The following BPIFC variants were observed in gnomAD, a reference collection of about 807,000 sequenced individuals.
The protein encoded by BPIFC is BPI fold containing family C, also known as BPI fold-containing family C protein.
Under a neutral mutation model 57.6 loss-of-function variants are expected in BPIFC, and 60 were observed. That is an observed-to-expected ratio of 1.04 (90% CI 0.85 to 1.29). The LOEUF (loss-of-function observed/expected upper bound fraction) is 1.29. Ranked by LOEUF, BPIFC falls within the 50% of genes most tolerant of loss-of-function variation. BPIFC has a pLI of 0.00. For missense variants in BPIFC, 581 were observed against 600.5 expected (o/e 0.97, Z 0.34); for synonymous variants, 243 against 224.5 (o/e 1.08, Z -0.74).
chr22:32,416,479 A>C (rs935122678), intron 15 of BPIFC, among the ~76,000 whole-genome samples: 1 of 152,240 alleles, frequency 6.6e-6, no homozygotes, highest in Non-Finnish European at 1.5e-5. Context: ...AGAATTGCTC[A>C]TTAATCTGTG....
chr22:32,432,398 A>T lies in BPIFC; in HGVS notation c.1124T>A (p.Val375Asp), dbSNP rs975289912. The T allele has an allele frequency of 6.2e-7, 1 of 1,614,142 alleles. No individual in the cohort carries two copies. Among genetic ancestry groups the T allele is most frequent in the African/African-American group, 1.3e-5 (1 of 75,058 alleles). Residue 375 changes from valine to aspartate, a missense_variant, in exon 12 of 17, where the codon GTT (valine) becomes GAT (aspartate). By Grantham distance (152) the Val-to-Asp change is radical. Transcript: ENST00000300399. ...MMLTQPKNSTVETIVSMDFVA... is the reference protein window; with the variant it reads ...MMLTQPKNSTDETIVSMDFVA... ...GAAGTCCATGGAAACGATGGTTTCA[A>T]CTGTGGAGTTCTTGGGTTGGGTGAG...
intron 2 of BPIFC, among the ~76,000 whole-genome samples, chr22:32,457,718 C>T (rs1319497117): frequency 6.6e-6 from 1 of 152,178 alleles, no homozygotes; most frequent in African/African-American, 2.4e-5. Context: ...CTATGTTTTT[C>T]ACAGACTAGT....
intron 10 of BPIFC, among the ~76,000 whole-genome samples, chr22:32,434,280 A>G (rs1001110081): frequency 1.3e-4 from 20 of 148,828 alleles, no homozygotes; most frequent in African/African-American, 4.9e-4. Context: ...TCATTTATAT[A>G]TTACACTCTA....
chr22:32,424,361 CCCTTGATT>C (rs1450996347), intron 13 of BPIFC, among the ~76,000 whole-genome samples: 1 of 152,028 alleles, frequency 6.6e-6, no homozygotes, highest in Non-Finnish European at 1.5e-5. Flanking sequence ...CCATTTTCTC[CCCTTGATT>C]CCTTGATGCG....
intron 4 of BPIFC, among the ~76,000 whole-genome samples, chr22:32,447,753 G>A (rs1324365920): frequency 1.3e-5 from 2 of 151,510 alleles, no homozygotes; most frequent in African/African-American, 4.9e-5. Context: ...CTACAGGCAT[G>A]TGCCATCACA....
At chr22:32,431,122 T>C (rs1055768223) in intron 13 of BPIFC, among the ~76,000 whole-genome samples, 2 of 151,286 alleles carry the variant, frequency 1.3e-5, no homozygotes, top group African/African-American at 4.8e-5. Flanking sequence ...ACGTCCCTTT[T>C]TTTTTTTTTT....
At position 32,424,603 on chromosome 22, in the gene BPIFC, C is replaced by CTTCTTCTTTCTTCTT. The variant is rs1556036435; in HGVS notation, c.1218-5200_1218-5199insAAGAAGAAAGAAGAA. Among the ~76,000 whole-genome samples, 2 of 39,004 alleles carry CTTCTTCTTTCTTCTT rather than the reference C, an allele frequency of 5.1e-5. 1 individual carries two copies. Among genetic ancestry groups the CTTCTTCTTTCTTCTT allele is most frequent in the Non-Finnish European group, 1.0e-4 (2 of 19,980 alleles). The allele number at this position is 39,004 out of a possible 152,430, so 25.6% of individuals were successfully genotyped here. ...TTCTTCTTCTTCTTCTTCTTCTTCT[C>CTTCTTCTTTCTTCTT]CTCCTCCTCCTCCTCCTCCTCCTCC... On this transcript the variant is annotated intron_variant, in intron 13 of 16. Transcript: ENST00000300399.
At position 32,447,265 on chromosome 22, in the gene BPIFC, G is replaced by C; in HGVS notation, c.321C>G (p.Thr107=). Residue 107 remains threonine, a synonymous_variant, in exon 5 of 17, where the codon ACC becomes ACG. Coordinates refer to ENST00000300399, the MANE Select transcript of BPIFC (RefSeq NM_174932.3). ...TGCTGATGTTGGCAGTGCCATGGTT[G>C]GTTAGCGCTTTGATTCCCACTCCAG... The part of the protein sequence containing the change: ...FVPGVGIKAL[T]NHGTANISTD... The C allele has an allele frequency of 6.2e-7, 1 of 1,614,092 alleles. No homozygotes were observed. Among genetic ancestry groups the C allele is most frequent in the Non-Finnish European group, 8.5e-7 (1 of 1,179,998 alleles).
rs1208592478 is a variant in BPIFC at position 32,453,403 on chromosome 22, A to G, written c.225T>C (p.Tyr75=). ...CTTACTTTGAAAAATTGTAGTTTAC[A>G]TAATCAACTTTTAGAAATTCAAGAG... ...SESLEFLKVD[Y]VNYNFSNIKI... Residue 75 remains tyrosine, a synonymous_variant, in exon 4 of 17, where the codon TAT becomes TAC. Coordinates refer to ENST00000300399, the MANE Select transcript of BPIFC (RefSeq NM_174932.3). The G allele has an allele frequency of 1.3e-6, 2 of 1,591,166 alleles. No individual in the cohort carries two copies. The highest frequency in any genetic ancestry group is 1.9e-5 in the Admixed American group (1 of 53,880).
At chr22:32,415,480 C>A (rs1172514992) in intron 16 of BPIFC, among the ~76,000 whole-genome samples, 1 of 152,144 alleles carries the variant, frequency 6.6e-6, no homozygotes, top group East Asian at 1.9e-4. Context: ...AGGTGTGTGC[C>A]TTTGGTTCAG....
intron 13 of BPIFC, among the ~76,000 whole-genome samples, chr22:32,426,306 G>A (rs1167310394): frequency 6.6e-6 from 1 of 152,154 alleles, no homozygotes; most frequent in Non-Finnish European, 1.5e-5. Context: ...AGCTCATCTT[G>A]AAAAGCCTGG....
chr22:32,415,867 A>C, intron 16 of BPIFC, 48 bp downstream of exon 16: 1 of 1,338,170 alleles, frequency 7.5e-7, no homozygotes. Context: ...GGCTTAGTCT[A>C]CTATAAAAAG....
chr22:32,427,666 T>TC (rs1934105455), intron 13 of BPIFC, among the ~76,000 whole-genome samples: 1 of 152,032 alleles, frequency 6.6e-6, no homozygotes, highest in Non-Finnish European at 1.5e-5. Flanking sequence ...TTTGGTTCCT[T>TC]CCCCCCTCAC....
chr22:32,458,360 G>C (rs2145969616), intron 2 of BPIFC, among the ~76,000 whole-genome samples: 1 of 152,298 alleles, frequency 6.6e-6, no homozygotes, highest in Admixed American at 6.5e-5. Flanking sequence ...CACTTCTTCA[G>C]ATAACTCAAA....
At chr22:32,415,882 G>T (rs745436883) in intron 16 of BPIFC, 33 bp downstream of exon 16, 3 of 1,432,054 alleles carry the variant, frequency 2.1e-6, no homozygotes, top group South Asian at 2.6e-5. Flanking sequence ...AAAAAGAAAT[G>T]GGTCAGTTAA....
In BPIFC at chr22:32,415,968, G is replaced by C. The variant is rs1400248983; in HGVS notation, c.1348C>G (p.Leu450Val). The C allele has an allele frequency of 5.7e-6, 9 of 1,586,876 alleles. 1 individual carries two copies. Among genetic ancestry groups the C allele is most frequent in the Middle Eastern group, 1.7e-4 (1 of 5,952 alleles). The change falls in exon 16 of 17, where the codon CTG becomes GTG. Residue 450 changes from leucine to valine, a missense_variant. By Grantham distance (32) the Leu-to-Val change is conservative (BLOSUM62 1). Transcript: ENST00000300399. ...ANAKLQQGFP[L>V]SNPHKFLFVN... ...AATAAGAATTTGTGTGGATTGGACAGAGGAAATCCTTGCTGCAATTTTGCT... is the reference window on the plus strand; with the variant it reads ...AATAAGAATTTGTGTGGATTGGACACAGGAAATCCTTGCTGCAATTTTGCT...
At chr22:32,421,459 C>G (rs1008611173) in intron 13 of BPIFC, among the ~76,000 whole-genome samples, 1 of 152,140 alleles carries the variant, frequency 6.6e-6, no homozygotes, top group African/African-American at 2.4e-5. Context: ...TTGCCCAGGT[C>G]TAGAGCCCTA....
At chr22:32,432,636 T>C (rs937062370) in intron 11 of BPIFC, 93 bp from the exon 12 acceptor site, 1 of 1,219,262 alleles carries the variant, frequency 8.2e-7, no homozygotes, top group South Asian at 1.4e-5. Context: ...GACTAAATCT[T>C]ACATTGTGCA....
chr22:32,464,191 C>G (rs1935214161), intron 1 of BPIFC, among the ~76,000 whole-genome samples, 183 bp downstream of exon 1: 1 of 152,146 alleles, frequency 6.6e-6, no homozygotes, highest in Non-Finnish European at 1.5e-5. Flanking sequence ...TAAGAAGCCT[C>G]CAGGTGCGCA....
Sources: allele counts gnomAD v4.1 joint callset (sites outside exome capture counted in the v4.1 genomes callset), GRCh38; gene constraint gnomAD v4.1.1; transcripts MANE v1.5; gene names NCBI Gene and HGNC (gene_info 2026-07-23, HGNC 2026-07-21).